The following KIAA1217 variants were observed in gnomAD, a reference collection of about 807,000 sequenced individuals.
KIAA1217 encodes sickle tail protein homolog.
In KIAA1217, 88 loss-of-function variants were observed where a neutral mutation model predicts 163.9. The observed-to-expected ratio is 0.54, with a 90% CI of 0.45 to 0.64. The LOEUF is 0.64. Among genes scored for constraint, KIAA1217 ranks in the 30% least tolerant of loss-of-function variants. The pLI, the probability that KIAA1217 is intolerant of heterozygous loss-of-function variation, is 0.00. For missense variants in KIAA1217, 2,372 were observed against 2,475.0 expected (o/e 0.96, Z 0.88); for synonymous variants, 903 against 923.1 (o/e 0.98, Z 0.39).
intron 1 of KIAA1217, among the ~76,000 whole-genome samples, chr10:23,993,211 T>C (rs1192598786): frequency 6.6e-6 from 1 of 151,738 alleles, no homozygotes; most frequent in East Asian, 1.9e-4. Context: ...TTTGTATTTT[T>C]AGTAGAGATG....
At chr10:24,498,130 A>G (rs1368099873) in intron 8 of KIAA1217, among the ~76,000 whole-genome samples, 1 of 152,102 alleles carries the variant, frequency 6.6e-6, no homozygotes, top group Non-Finnish European at 1.5e-5. Flanking sequence ...TGTGCTGCTG[A>G]CGAGGGTGCG....
Position 24,286,903 on chromosome 10 carries a change from G to A in KIAA1217, c.354+66994G>A, listed in dbSNP as rs141853683. 2.8e-3 allele frequency among the ~76,000 whole-genome samples: 420 copies of A among 152,218 alleles called. 1 individual carries two copies. The highest frequency in any genetic ancestry group is 9.0e-3 in the African/African-American group (373 of 41,528). On this transcript the variant is annotated intron_variant, in intron 2 of 20. Coordinates refer to ENST00000376454, the MANE Select transcript of KIAA1217 (RefSeq NM_019590.5). ...TAATTGGAAAGGGTACCTGGTCAGC[G>A]CATTTATTTCACTTTCAGTCATGGG...
intron 5 of KIAA1217, among the ~76,000 whole-genome samples, chr10:24,465,651 C>G (rs986554094): frequency 1.3e-5 from 2 of 152,166 alleles, no homozygotes; most frequent in South Asian, 4.1e-4. Context: ...TGCCTGGGAG[C>G]GCAGGAGATG....
At position 24,458,150 on chromosome 10, in the gene KIAA1217, A is replaced by G. The variant is rs76151566; in HGVS notation, c.847-15078A>G. ...TGCCTGCCAAGCCCGGCCTCAGGGC[A>G]TGTACAGCTCCCAAACTGGTTGTCT... On this transcript the variant is annotated intron_variant, in intron 5 of 20. Coordinates refer to ENST00000376454, the MANE Select transcript of KIAA1217 (RefSeq NM_019590.5). 5.1e-3 allele frequency among the ~76,000 whole-genome samples: 776 copies of G among 152,342 alleles called. 9 individuals carry two copies. Among genetic ancestry groups the G allele is most frequent in the African/African-American group, 0.017 (719 of 41,592 alleles).
intron 2 of KIAA1217, among the ~76,000 whole-genome samples, chr10:24,038,386 G>T (rs1478269382): frequency 6.6e-6 from 1 of 152,190 alleles, no homozygotes; most frequent in Non-Finnish European, 1.5e-5. Context: ...TCTGTTTCTT[G>T]AGTGACAGGG....
At chr10:24,355,808 G>A (rs1387169258) in intron 2 of KIAA1217, among the ~76,000 whole-genome samples, 2 of 126,876 alleles carry the variant, frequency 1.6e-5, no homozygotes, top group Non-Finnish European at 3.1e-5. Context: ...GAGTACAGTG[G>A]CCCGATCTCG....
At chr10:23,758,844 A>C (rs1465345574) in intron 1 of KIAA1217, among the ~76,000 whole-genome samples, 1 of 150,804 alleles carries the variant, frequency 6.6e-6, no homozygotes, top group Non-Finnish European at 1.5e-5. Flanking sequence ...GTGCTACCAC[A>C]CCTGGCTAAT....
chr10:24,494,457 G>A (rs1188863378), intron 6 of KIAA1217, 43 bp from the exon 7 acceptor site: 51 of 1,538,140 alleles, frequency 3.3e-5, no homozygotes, highest in Non-Finnish European at 4.5e-5. Context: ...AAACTGGTTT[G>A]AAAGTCCATA....
chr10:24,302,126 GGCA>G (rs1406971877), intron 2 of KIAA1217, among the ~76,000 whole-genome samples: 2 of 152,172 alleles, frequency 1.3e-5, no homozygotes, highest in African/African-American at 4.8e-5. Context: ...GTCCAGTGGT[GGCA>G]GGTTGGACAG....
At chr10:23,700,681 A>C (rs1276434971) in intron 1 of KIAA1217, among the ~76,000 whole-genome samples, 1 of 152,166 alleles carries the variant, frequency 6.6e-6, no homozygotes, top group Admixed American at 6.5e-5. Context: ...CTTATCTTTG[A>C]ACTTCTCCAG....
intron 1 of KIAA1217, among the ~76,000 whole-genome samples, chr10:23,866,683 T>C (rs899680341): frequency 4.6e-5 from 7 of 151,908 alleles, no homozygotes; most frequent in Non-Finnish European, 1.0e-4. Flanking sequence ...TGCCCATTTG[T>C]TCACCTGCTA....
intron 1 of KIAA1217, among the ~76,000 whole-genome samples, chr10:23,798,197 A>G (rs1023495774): frequency 6.6e-6 from 1 of 152,200 alleles, no homozygotes; most frequent in African/African-American, 2.4e-5. Flanking sequence ...AGCATTTTGC[A>G]TTCTATGGGT....
intron 5 of KIAA1217, among the ~76,000 whole-genome samples, chr10:24,459,120 C>T (rs1367821936): frequency 1.3e-5 from 2 of 152,198 alleles, no homozygotes; most frequent in Non-Finnish European, 2.9e-5. Flanking sequence ...TGGAGAACCA[C>T]TGTCCGAGAG....
chr10:24,144,325 G>C (rs2064211846), intron 2 of KIAA1217, among the ~76,000 whole-genome samples: 1 of 152,166 alleles, frequency 6.6e-6, no homozygotes, highest in South Asian at 2.1e-4. Context: ...TCATCTTGTA[G>C]AGCAAAGGGC....
intron 1 of KIAA1217, among the ~76,000 whole-genome samples, chr10:23,737,999 G>A (rs1480813049): frequency 6.6e-6 from 1 of 151,692 alleles, no homozygotes; most frequent in East Asian, 1.9e-4. Context: ...TTAAACATAA[G>A]TCATTCTAAC....
At chr10:23,835,213 A>G (rs991916093) in intron 1 of KIAA1217, among the ~76,000 whole-genome samples, 1 of 152,120 alleles carries the variant, frequency 6.6e-6, no homozygotes, top group Non-Finnish European at 1.5e-5. Context: ...CTAGAGAAGA[A>G]CTAGGAAGGA....
At chr10:24,306,447 G>T (rs1039332872) in intron 2 of KIAA1217, among the ~76,000 whole-genome samples, 1 of 152,174 alleles carries the variant, frequency 6.6e-6, no homozygotes, top group Non-Finnish European at 1.5e-5. Context: ...AGCAATAGGG[G>T]TTCCTGAACA....
intron 1 of KIAA1217, among the ~76,000 whole-genome samples, chr10:23,699,825 G>A (rs988809802): frequency 6.6e-6 from 1 of 152,050 alleles, no homozygotes; most frequent in African/African-American, 2.4e-5. Flanking sequence ...TATTTGTTTT[G>A]TTTTATAGCT....
intron 1 of KIAA1217, among the ~76,000 whole-genome samples, chr10:23,900,627 CT>C (rs1236510734): frequency 1.3e-5 from 2 of 152,016 alleles, no homozygotes; most frequent in East Asian, 3.9e-4. Flanking sequence ...ATTACTCTGT[CT>C]TGTAAAACTG....
Sources: gnomAD v4.1 joint callset for allele counts (sites outside exome capture counted in the v4.1 genomes callset) on GRCh38, gnomAD v4.1.1 for gene constraint, MANE v1.5 for transcripts, NCBI Gene and HGNC (gene_info 2026-07-23, HGNC 2026-07-21) for gene names.